MORC2: variants seen among roughly 807,000 people sequenced by gnomAD.
The protein encoded by MORC2 is ATPase MORC2.
In MORC2, 30 loss-of-function variants were observed where a neutral mutation model predicts 136.0. The ratio of observed to expected loss-of-function variants is 0.22; its 90% CI spans 0.17 to 0.30. The LOEUF (loss-of-function observed/expected upper bound fraction) is 0.30. MORC2 is among the 10% of genes least tolerant of loss of function. The probability of loss-of-function intolerance (pLI) is 1.00; values close to 1 mark genes in which losing one functional copy is unlikely to be tolerated. For missense variants in MORC2, 922 were observed against 1,333.1 expected (o/e 0.69, Z 4.80); for synonymous variants, 439 against 487.0 (o/e 0.90, Z 1.30).
At chr22:30,962,380 C>T (rs897401495) in intron 1 of MORC2, among the ~76,000 whole-genome samples, 1 of 151,654 alleles carries the variant, frequency 6.6e-6, no homozygotes, top group African/African-American at 2.4e-5. Flanking sequence ...CTGGGCAACA[C>T]GGCAAAACCC....
intron 17 of MORC2, 48 bp from the exon 18 acceptor site, chr22:30,935,370 T>C (rs760870134): frequency 1.3e-6 from 2 of 1,567,434 alleles, no homozygotes; most frequent in Non-Finnish European, 1.7e-6. Flanking sequence ...TTTAGTATAC[T>C]TGAGCAAACT....
rs1241148042 is a variant in MORC2 at position 30,938,522 on chromosome 22, C to A, written c.1074-317G>T. On this transcript the variant is annotated intron_variant, in intron 12 of 25. Transcript: ENST00000397641. The stretch of plus-strand genomic sequence containing the variant: ...GACAATTATATGTTGGAATAAACAC[C>A]AGGTTATCGTCATACCTTCCCCAAA... Among the ~76,000 whole-genome samples, 4 of 152,130 alleles carry A rather than the reference C, an allele frequency of 2.6e-5. No individual in the cohort carries two copies. The East Asian group carries it at 7.7e-4, about 29-fold the overall frequency.
Position 30,937,727 on chromosome 22 carries a change from C to T in MORC2, c.1370-16G>A, listed in dbSNP as rs2040675352. ...CCCCTCTGGGCTGGAAAGCAAACAC[C>T]GATACATCATGTTAGGAGCCAGCCT... On this transcript the variant is annotated splice_polypyrimidine_tract_variant and intron_variant, in intron 14 of 25. Coordinates refer to ENST00000397641, the MANE Select transcript of MORC2 (RefSeq NM_001303256.3). This position sits in a 1 kb window ranked among gnomAD's most constrained non-coding sequence, Gnocchi z 4.7. 11 of 1,613,842 alleles carry T rather than the reference C, an allele frequency of 6.8e-6. No homozygotes were observed. Among genetic ancestry groups the T allele is most frequent in the East Asian group, 6.7e-5 (3 of 44,870 alleles).
chr22:30,928,265 T>G (rs1429657315), intron 24 of MORC2, 58 bp from the exon 25 acceptor site: 2 of 1,566,860 alleles, frequency 1.3e-6, no homozygotes, highest in Non-Finnish European at 1.8e-6. Context: ...CCCAGGGCCC[T>G]TCTAGGCTGA....
At chr22:30,959,509 A>C (rs1340893974) in intron 1 of MORC2, among the ~76,000 whole-genome samples, 4 of 152,264 alleles carry the variant, frequency 2.6e-5, no homozygotes, top group African/African-American at 9.6e-5. Flanking sequence ...GATGACGCAC[A>C]AGTATTGGTA....
At position 30,934,022 on chromosome 22, in the gene MORC2, G is replaced by A. The variant is rs2040616649; in HGVS notation, c.2325+38C>T. 2 of 1,612,134 alleles carry A rather than the reference G, an allele frequency of 1.2e-6. No individual in the cohort carries two copies. The highest frequency in any genetic ancestry group is 1.7e-6 in the Non-Finnish European group (2 of 1,178,856). ...CTGCTGGTGGGGGCTGCAGGCCCTA[G>A]AGAGAGAGGCTTTGAGAACCTCACC... On this transcript the variant is annotated intron_variant, in intron 20 of 25. Transcript: ENST00000397641. This position sits in a 1 kb window ranked among gnomAD's most constrained non-coding sequence, Gnocchi z 4.4.
chr22:30,927,549 C>G (rs903471750), intron 25 of MORC2, among the ~76,000 whole-genome samples: 1 of 152,194 alleles, frequency 6.6e-6, no homozygotes, highest in African/African-American at 2.4e-5. Context: ...TTATGAACCA[C>G]CATCAGTAAT....
In MORC2 at chr22:30,937,053, A is replaced by C. The variant is rs1240557318; in HGVS notation, c.1499-16T>G. 1 of 1,585,610 alleles carries C rather than the reference A, an allele frequency of 6.3e-7. No individual in the cohort carries two copies. The highest frequency in any genetic ancestry group is 1.1e-5 in the South Asian group (1 of 90,314). The stretch of plus-strand genomic sequence containing the variant: ...AGACACAAATCTGCAGAGAGCAAAA[A>C]AACCCCACATATCAGCCACGCCCAC... On this transcript the variant is annotated splice_polypyrimidine_tract_variant and intron_variant, in intron 15 of 25. Coordinates refer to ENST00000397641, the MANE Select transcript of MORC2 (RefSeq NM_001303256.3). This position sits in a 1 kb window ranked among gnomAD's most constrained non-coding sequence, Gnocchi z 4.7.
In MORC2 at chr22:30,926,603, A is replaced by G. The variant is rs1602469835; in HGVS notation, c.*200T>C. 2 of 215,206 alleles carry G rather than the reference A, an allele frequency of 9.3e-6. No individual in the cohort carries two copies. Among genetic ancestry groups the G allele is most frequent in the African/African-American group, 4.9e-5 (2 of 40,922 alleles). 13.3% of individuals were successfully genotyped at this position (215,206 alleles called of 1,614,324 possible). A position where few individuals can be genotyped will look rare whatever the true frequency, so the allele number is the denominator to read the frequency against. On this transcript the variant is annotated 3_prime_UTR_variant, in exon 26 of 26. Transcript: ENST00000397641. Reference sequence around the variant, plus strand: ...AAAAAAAAAGTATGGTCTCACAGGCACAGCATCTTCTTTTAAAAAATAAAT... The same window carrying G: ...AAAAAAAAAGTATGGTCTCACAGGCGCAGCATCTTCTTTTAAAAAATAAAT...
rs2040473005 is a variant in MORC2 at position 30,925,702 on chromosome 22, G to T, written c.*1101C>A. On this transcript the variant is annotated 3_prime_UTR_variant, in exon 26 of 26. Coordinates refer to ENST00000397641, the MANE Select transcript of MORC2 (RefSeq NM_001303256.3). ...AAAACTGAACCAGACTCTTCCAATG[G>T]CCATTAAAGAGAAAATTCAGCAACG... 6.5e-6 allele frequency: 1 copy of T among 153,712 alleles called. No individual in the cohort carries two copies. The highest frequency in any genetic ancestry group is 2.1e-4 in the South Asian group (1 of 4,820). The allele number at this position is 153,712 out of a possible 1,614,324, so 9.5% of individuals were successfully genotyped here. A position where few individuals can be genotyped will look rare whatever the true frequency, so the allele number is the denominator to read the frequency against.
chr22:30,963,318 G>A, intron 1 of MORC2: 1 of 983,968 alleles, frequency 1.0e-6, no homozygotes, highest in Non-Finnish European at 1.2e-6. Context: ...CTTTGCATGT[G>A]ATCCAAGAAA....
At chr22:30,953,714 G>A (rs2147294965) in intron 3 of MORC2, among the ~76,000 whole-genome samples, 1 of 152,276 alleles carries the variant, frequency 6.6e-6, no homozygotes, top group African/African-American at 2.4e-5. Flanking sequence ...ACCTACCCCA[G>A]AAGGTCAAGA....
intron 7 of MORC2, 30 bp downstream of exon 7, chr22:30,942,082 C>A (rs201936781): frequency 2.5e-6 from 4 of 1,611,752 alleles, no homozygotes; most frequent in Admixed American, 3.3e-5. Context: ...CTCCCAGATT[C>A]TAGGGGCTAC....
At chr22:30,933,382 GGTAA>G in intron 21 of MORC2, 80 bp downstream of exon 21, 1 of 1,455,686 alleles carries the variant, frequency 6.9e-7, no homozygotes, top group East Asian at 2.3e-5. Flanking sequence ...ATGAGCCTTT[GGTAA>G]ATTGCTGCTG....
chr22:30,933,165 GAC>G, intron 21 of MORC2, 135 bp from the exon 22 acceptor site: 1 of 1,296,884 alleles, frequency 7.7e-7, no homozygotes, highest in East Asian at 2.3e-5. Context: ...CTACACCAGG[GAC>G]ACAGAGACCA....
chr22:30,954,307 T>C (rs1036074558), intron 3 of MORC2, among the ~76,000 whole-genome samples: 2 of 152,146 alleles, frequency 1.3e-5, no homozygotes, highest in Non-Finnish European at 2.9e-5. Context: ...ATTTCTCCTG[T>C]TGAATGTGTT....
chr22:30,932,524 G>C lies in MORC2; in HGVS notation c.2747+21C>G. 6.2e-7 allele frequency: 1 copy of C among 1,613,622 alleles called. No homozygotes were observed. Among genetic ancestry groups the C allele is most frequent in the African/African-American group, 1.3e-5 (1 of 75,008 alleles). On this transcript the variant is annotated intron_variant, in intron 23 of 25. Transcript: ENST00000397641. This position sits in a 1 kb window ranked among gnomAD's most constrained non-coding sequence, Gnocchi z 4.4. ...AGAGCTGCTGCTGGCCCTGGGGTGGGAAGACAAAAGACACATGTACCGGAG... is the reference window on the plus strand; with the variant it reads ...AGAGCTGCTGCTGGCCCTGGGGTGGCAAGACAAAAGACACATGTACCGGAG...
At chr22:30,940,894 C>T in intron 9 of MORC2, 57 bp from the exon 10 acceptor site, 1 of 1,450,766 alleles carries the variant, frequency 6.9e-7, no homozygotes, top group South Asian at 1.1e-5. Flanking sequence ...AGGTGGCACA[C>T]CCAAGCACAG....
At chr22:30,965,418 T>C (rs560001813) in intron 1 of MORC2, among the ~76,000 whole-genome samples, 20 of 152,350 alleles carry the variant, frequency 1.3e-4, no homozygotes, top group Non-Finnish European at 2.6e-4. Context: ...ATTTTCTCTA[T>C]AAATGAACTT....
Sources: allele counts gnomAD v4.1 joint callset (sites outside exome capture counted in the v4.1 genomes callset), GRCh38; gene constraint gnomAD v4.1.1; non-coding constraint Gnocchi (gnomAD v3.1); transcripts MANE v1.5; gene names NCBI Gene and HGNC (gene_info 2026-07-23, HGNC 2026-07-21).